Variants in TRPV3 observed in about 807,000 individuals in gnomAD.
TRPV3 encodes the protein transient receptor potential cation channel subfamily V member 3, also known as VRL-3.
A neutral mutation model predicts 87.1 loss-of-function variants in TRPV3; 88 were observed. That is an observed-to-expected ratio of 1.01 (90% CI 0.85 to 1.21). TRPV3 has a LOEUF of 1.21. Among genes scored for constraint, TRPV3 ranks in the 50% most tolerant of loss-of-function variants. The pLI is 0.00. For missense variants in TRPV3, 1,054 were observed against 1,030.1 expected, an observed-to-expected ratio of 1.02 and a Z score of -0.32; for synonymous variants, 438 against 423.3, an observed-to-expected ratio of 1.03 and a Z score of -0.43.
intron 3 of TRPV3, among the ~76,000 whole-genome samples, 177 bp from the exon 4 acceptor site, chr17:3,544,842 T>C (rs574306867): frequency 6.6e-6 from 1 of 151,944 alleles, no homozygotes; most frequent in Non-Finnish European, 1.5e-5. Flanking sequence ...TCTACTAAAT[T>C]GTCTCTACTA....
chr17:3,543,045 C>T (rs183158166), intron 5 of TRPV3, among the ~76,000 whole-genome samples: 1 of 152,154 alleles, frequency 6.6e-6, no homozygotes. Context: ...CCCCATCAAC[C>T]TGATACTGCA....
chr17:3,514,475 T>A, intron 17 of TRPV3, 118 bp downstream of exon 17: 1 of 723,420 alleles, frequency 1.4e-6, no homozygotes, highest in Non-Finnish European at 2.4e-6. Flanking sequence ...TAAGAAGCAT[T>A]TCCATTCAAC....
chr17:3,543,575 C>A lies in TRPV3; in HGVS notation c.365G>T (p.Arg122Leu), dbSNP rs771754404. ...QRRKKRRLKK[R>L]IFAAVSEGCV... ...GCCCTCAGACACGGCTGCAAAGATGCGCTTCTTCAGCCGCCTCTTTTTCCT... is the reference window on the plus strand; with the variant it reads ...GCCCTCAGACACGGCTGCAAAGATGAGCTTCTTCAGCCGCCTCTTTTTCCT... The change falls in exon 5 of 18, where the codon CGC (arginine) becomes CTC (leucine). Residue 122 changes from arginine to leucine, a missense_variant. Coordinates refer to ENST00000576742, the MANE Select transcript of TRPV3 (RefSeq NM_145068.4). 8.7e-6 allele frequency: 14 copies of A among 1,614,024 alleles called. No individual in the cohort carries two copies. The highest frequency in any genetic ancestry group is 2.2e-5 in the South Asian group (2 of 91,092).
In TRPV3 at chr17:3,518,847, A is replaced by T. The variant is rs751723296; in HGVS notation, c.1814T>A (p.Leu605Ter). Residue 605 changes from leucine to a stop codon, truncating the protein, a stop_gained, in exon 15 of 18, where the codon TTG (leucine) becomes TAG (stop). Transcript: ENST00000576742. LOFTEE classifies it high-confidence loss of function. This position sits in a 1 kb window ranked among gnomAD's most constrained non-coding sequence, Gnocchi z 4.3. ...GGGACACTTCTCGATCAGCGAGGCC[A>T]AGGCTAAGGGAACATAACAGGGTGC... ...IVFLLGFGVA[L>*]ASLIEKCPKD... The T allele has an allele frequency of 4.3e-6, 7 of 1,613,138 alleles. No individual in the cohort carries two copies. The South Asian group carries it at 7.7e-5, about 18-fold the overall frequency.
At chr17:3,554,910 A>C in intron 1 of TRPV3, 58 bp from the exon 2 acceptor site, 1 of 1,257,264 alleles carries the variant, frequency 8.0e-7, no homozygotes, top group Non-Finnish European at 1.1e-6. Context: ...AGCTTCAGGG[A>C]GTTTAGGGGC....
intron 15 of TRPV3, 119 bp from the exon 16 acceptor site, chr17:3,516,688 G>T: frequency 1.4e-6 from 1 of 730,188 alleles, no homozygotes; most frequent in South Asian, 1.6e-5. Context: ...TAGATCGCAA[G>T]GGTTTGGCTA....
chr17:3,540,479 A>G (rs2074448424), intron 6 of TRPV3, among the ~76,000 whole-genome samples: 1 of 152,316 alleles, frequency 6.6e-6, no homozygotes, highest in East Asian at 1.9e-4. Context: ...GGCTAAGAAC[A>G]GGGAGAGGTA....
At chr17:3,536,530 G>A (rs2074410825) in intron 6 of TRPV3, among the ~76,000 whole-genome samples, 1 of 152,216 alleles carries the variant, frequency 6.6e-6, no homozygotes, top group African/African-American at 2.4e-5. Flanking sequence ...AGAGGTTGCA[G>A]TGAGCCGAGA....
At chr17:3,519,889 AT>A (rs2074229065) in intron 14 of TRPV3, among the ~76,000 whole-genome samples, 1 of 34,420 alleles carries the variant, frequency 2.9e-5, no homozygotes, top group Admixed American at 3.2e-4. Flanking sequence ...TGGATGGATG[AT>A]TGGATGGATG....
intron 2 of TRPV3, among the ~76,000 whole-genome samples, chr17:3,547,886 C>T (rs993013347): frequency 3.3e-5 from 5 of 152,196 alleles, no homozygotes; most frequent in Admixed American, 6.5e-5. Context: ...CCAGACACAC[C>T]GCCAGCTCCA....
rs748043473 is a variant in TRPV3 at position 3,518,593 on chromosome 17, G to A, written c.2068C>T (p.Arg690Cys). ...TVENVSKESE[R>C]IWRLQRARTI... ...AGGCTCACCTGCAGGCGCCAGATGC[G>A]TTCGCTCTCCTTGGAGACGTTCTCC... The change falls in exon 15 of 18, where the codon CGC (arginine) becomes TGC (cysteine). Residue 690 changes from arginine (R) to cysteine (C), a missense_variant. By Grantham distance (180) the Arg-to-Cys change is radical (BLOSUM62 -3). Coordinates refer to ENST00000576742, the MANE Select transcript of TRPV3 (RefSeq NM_145068.4). This position sits in a 1 kb window ranked among gnomAD's most constrained non-coding sequence, Gnocchi z 4.3. The A allele has an allele frequency of 1.7e-5, 27 of 1,558,100 alleles. No individual in the cohort carries two copies. In the Middle Eastern group the frequency reaches 8.3e-4, roughly 48 times the overall value.
intron 2 of TRPV3, among the ~76,000 whole-genome samples, chr17:3,546,475 A>T (rs1411223048): frequency 3.3e-5 from 5 of 152,066 alleles, no homozygotes; most frequent in Admixed American, 6.6e-5. Context: ...ACATAGACGC[A>T]TAGGGGAAGC....
At chr17:3,554,138 T>C (rs62069874) in intron 2 of TRPV3, 2,165 of 152,682 alleles carry the variant, frequency 0.014, 36 homozygotes, top group Middle Eastern at 0.068. Flanking sequence ...AGGACAATGA[T>C]GATGGTGAAG....
intron 6 of TRPV3, among the ~76,000 whole-genome samples, chr17:3,537,132 GT>G (rs1443276106): frequency 3.3e-5 from 5 of 152,094 alleles, no homozygotes; most frequent in African/African-American, 1.2e-4. Flanking sequence ...TTGTTTGTTT[GT>G]TTGTATGTTT....
Position 3,557,096 on chromosome 17 carries a change from G to T in TRPV3, c.-3+580C>A, listed in dbSNP as rs1325711322. Among the ~76,000 whole-genome samples the T allele has an allele frequency of 6.6e-6, 1 of 152,052 alleles. No individual in the cohort carries two copies. On this transcript the variant is annotated intron_variant, in intron 1 of 17. Coordinates refer to ENST00000576742, the MANE Select transcript of TRPV3 (RefSeq NM_145068.4). The surrounding 1 kb of genome is among the most constrained non-coding windows in gnomAD (Gnocchi z 4.5). Reference sequence around the variant, plus strand: ...ACTAGGGCCGCAGCAGCTATCATTAGCTCCCTGAGTCACCCCGTAAACCCC... The same window carrying T: ...ACTAGGGCCGCAGCAGCTATCATTATCTCCCTGAGTCACCCCGTAAACCCC...
chr17:3,524,797 C>A (rs1477280923), intron 12 of TRPV3, among the ~76,000 whole-genome samples: 1 of 143,786 alleles, frequency 7.0e-6, no homozygotes, highest in African/African-American at 2.6e-5. Context: ...CATAGTGAGA[C>A]CTTGTCTCTA....
intron 7 of TRPV3, among the ~76,000 whole-genome samples, chr17:3,535,153 CTTT>C (rs2074387323): frequency 6.8e-6 from 1 of 146,580 alleles, no homozygotes; most frequent in African/African-American, 2.5e-5. Flanking sequence ...TCCTTCCTTC[CTTT>C]CTCTCCCTCC....
At chr17:3,519,928 GGATGGATA>G (rs2074230787) in intron 14 of TRPV3, among the ~76,000 whole-genome samples, 1 of 148,934 alleles carries the variant, frequency 6.7e-6, no homozygotes, top group Non-Finnish European at 1.5e-5. Context: ...ATGGATGGAT[GGATGGATA>G]GATGGATAGA....
chr17:3,546,989 G>T (rs566563964), intron 2 of TRPV3, among the ~76,000 whole-genome samples: 2 of 100,196 alleles, frequency 2.0e-5, no homozygotes, highest in Admixed American at 8.8e-5. Context: ...ACTGGGTCTG[G>T]GTGACTCTCC....
Sources: gnomAD v4.1 joint callset for allele counts (sites outside exome capture counted in the v4.1 genomes callset) on GRCh38, gnomAD v4.1.1 for gene constraint, Gnocchi (gnomAD v3.1) non-coding constraint, MANE v1.5 for transcripts, NCBI Gene and HGNC (gene_info 2026-07-23, HGNC 2026-07-21) for gene names.